DDX31: variants seen among roughly 807,000 people sequenced by gnomAD.
DDX31 encodes the protein DEAD-box helicase 31, also known as ATP-dependent DNA helicase DDX31.
DDX31 carries 70 observed loss-of-function variants against 91.3 expected under a neutral mutation model. That is an observed-to-expected ratio of 0.77 (90% CI 0.63 to 0.94). DDX31 has a LOEUF of 0.94. DDX31 is among the 40% of genes least tolerant of loss of function. DDX31 has a pLI of 0.00. For missense variants in DDX31, 902 were observed against 925.0 expected (o/e 0.98, Z 0.32); for synonymous variants, 362 against 350.6 (o/e 1.03, Z -0.36).
chr9:132,627,650 G>A (rs1204809071), intron 16 of DDX31, among the ~76,000 whole-genome samples: 1 of 152,206 alleles, frequency 6.6e-6, no homozygotes, highest in Non-Finnish European at 1.5e-5. Flanking sequence ...CAAATACAAA[G>A]AAGTCAAAAG....
At chr9:132,658,785 T>A in intron 5 of DDX31, 50 bp from the exon 6 acceptor site, 1 of 1,556,264 alleles carries the variant, frequency 6.4e-7, no homozygotes, top group South Asian at 1.2e-5. Flanking sequence ...CTACAGATGT[T>A]TAAGAAAAGC....
At chr9:132,623,637 CT>C (rs1320786298) in intron 17 of DDX31, among the ~76,000 whole-genome samples, 5 of 152,012 alleles carry the variant, frequency 3.3e-5, no homozygotes, top group Admixed American at 2.6e-4. Flanking sequence ...GAACGTGACC[CT>C]GAGGCGTGCT....
chr9:132,634,609 T>A (rs2583799), intron 14 of DDX31, among the ~76,000 whole-genome samples: 6 of 127,800 alleles, frequency 4.7e-5, no homozygotes, highest in Admixed American at 1.6e-4. Context: ...TTTTTTTTTT[T>A]AAAGATGGGG....
At chr9:132,643,821 T>C (rs1459669029) in intron 13 of DDX31, among the ~76,000 whole-genome samples, 1 of 152,056 alleles carries the variant, frequency 6.6e-6, no homozygotes, top group Non-Finnish European at 1.5e-5. Flanking sequence ...TCATTTTTAA[T>C]GGCTGCATCG....
intron 17 of DDX31, 100 bp downstream of exon 17, chr9:132,625,564 T>C: frequency 1.2e-6 from 1 of 843,998 alleles, no homozygotes. Context: ...AATAAATGTA[T>C]TGCTTGACAG....
rs531466682 is a variant in DDX31 at position 132,631,843 on chromosome 9, G to T, written c.1491+198C>A. 5.3e-4 allele frequency among the ~76,000 whole-genome samples: 81 copies of T among 152,274 alleles called. No individual in the cohort carries two copies. The South Asian group carries it at 0.016, about 30-fold the overall frequency. On this transcript the variant is annotated intron_variant, in intron 15 of 19. Coordinates refer to ENST00000372159, the MANE Select transcript of DDX31 (RefSeq NM_022779.9). ...CTCCCTCTCGTGAACGCACATTCTG[G>T]CTGTTTTGCTGCAGTGGTGAGGTGG...
chr9:132,645,294 G>A lies in DDX31; in HGVS notation c.1380+601C>T, dbSNP rs1033358811. 4.6e-5 allele frequency among the ~76,000 whole-genome samples: 7 copies of A among 152,266 alleles called. No individual in the cohort carries two copies. In the South Asian group the frequency reaches 6.2e-4, roughly 14 times the overall value. On this transcript the variant is annotated intron_variant, in intron 13 of 19. Transcript: ENST00000372159. ...TCACATAGCCAAGTCCCTAAAATAG[G>A]GGAAATGTTGTATTCTTCTTCCTGA...
At chr9:132,618,484 G>A (rs1397191949) in intron 17 of DDX31, 43 bp from the exon 18 acceptor site, 1 of 1,550,346 alleles carries the variant, frequency 6.5e-7, no homozygotes, top group Non-Finnish European at 8.8e-7. Context: ...TAGAGTCAAG[G>A]TCAGGAATAA....
intron 19 of DDX31, among the ~76,000 whole-genome samples, chr9:132,606,935 A>G (rs189130263): frequency 1.8e-4 from 27 of 152,372 alleles, no homozygotes; most frequent in African/African-American, 5.5e-4. Flanking sequence ...AGAACAACAC[A>G]GCACAGGCCT....
At chr9:132,619,986 T>A (rs927642536) in intron 17 of DDX31, among the ~76,000 whole-genome samples, 1 of 151,988 alleles carries the variant, frequency 6.6e-6, no homozygotes, top group Admixed American at 6.6e-5. Flanking sequence ...TAATGAAAAC[T>A]TTTTCCTCTT....
intron 14 of DDX31, among the ~76,000 whole-genome samples, chr9:132,635,900 C>T (rs1364288489): frequency 2.0e-5 from 3 of 151,736 alleles, no homozygotes; most frequent in African/African-American, 7.3e-5. Context: ...GCCAAGATTG[C>T]GCCGTTGCAC....
chr9:132,619,190 G>GA (rs1831838789), intron 17 of DDX31, among the ~76,000 whole-genome samples: 2 of 152,120 alleles, frequency 1.3e-5, no homozygotes, highest in Non-Finnish European at 2.9e-5. Context: ...CAGTACCAGA[G>GA]AAAAAAATTT....
chr9:132,602,702 G>T (rs942246160), intron 19 of DDX31, among the ~76,000 whole-genome samples: 8 of 152,168 alleles, frequency 5.3e-5, no homozygotes, highest in Non-Finnish European at 1.0e-4. Flanking sequence ...TTGGAAGTTT[G>T]GCCAAGGTAC....
At chr9:132,611,559 A>G (rs185330443) in intron 19 of DDX31, among the ~76,000 whole-genome samples, 4 of 152,048 alleles carry the variant, frequency 2.6e-5, no homozygotes, top group East Asian at 1.9e-4. Context: ...AGTCCTGAAC[A>G]TGCTCTTTTT....
At chr9:132,638,091 C>A (rs1329532350) in intron 14 of DDX31, 1 of 1,297,964 alleles carries the variant, frequency 7.7e-7, no homozygotes, top group African/African-American at 1.5e-5. Context: ...GAAATGCACG[C>A]GCCGGACAGC....
chr9:132,624,335 G>A (rs759809116), intron 17 of DDX31, among the ~76,000 whole-genome samples: 4 of 152,098 alleles, frequency 2.6e-5, no homozygotes, highest in East Asian at 1.9e-4. Flanking sequence ...AGAGGCTTAC[G>A]AGTCTTATAT....
At chr9:132,640,697 G>A (rs1315517668) in intron 14 of DDX31, among the ~76,000 whole-genome samples, 2 of 152,002 alleles carry the variant, frequency 1.3e-5, no homozygotes, top group African/African-American at 4.8e-5. Context: ...TAGAGACGGG[G>A]TCTTGCTATA....
intron 17 of DDX31, among the ~76,000 whole-genome samples, chr9:132,623,703 CCAGTCCCTGCCCAAGGT>C (rs2130604251): frequency 1.3e-5 from 2 of 151,934 alleles, no homozygotes; most frequent in South Asian, 4.2e-4. Context: ...TTAGAGAGGT[CCAGTCCCTGCCCAAGGT>C]CACACACTGG....
intron 6 of DDX31, among the ~76,000 whole-genome samples, chr9:132,654,154 G>A (rs1342167823): frequency 1.3e-5 from 2 of 152,010 alleles, no homozygotes; most frequent in African/African-American, 4.8e-5. Flanking sequence ...ACACTGATAC[G>A]TTTTATTACC....
Sources: allele counts gnomAD v4.1 joint callset (sites outside exome capture counted in the v4.1 genomes callset), GRCh38; gene constraint gnomAD v4.1.1; transcripts MANE v1.5; gene names NCBI Gene and HGNC (gene_info 2026-07-23, HGNC 2026-07-21).